The following SCTR variants were observed in gnomAD, a reference collection of about 807,000 sequenced individuals.
The protein encoded by SCTR is secretin receptor.
A neutral mutation model predicts 60.8 loss-of-function variants in SCTR; 56 were observed. The observed-to-expected ratio is 0.92, with a 90% CI of 0.74 to 1.15. The LOEUF is 1.15. Ranked by LOEUF, SCTR falls within the 50% of genes most tolerant of loss-of-function variation. SCTR has a pLI of 0.00. For synonymous variants in SCTR, 202 were observed against 217.0 expected, an observed-to-expected ratio of 0.93 and a Z score of 0.61; for missense variants, 562 against 550.4, an observed-to-expected ratio of 1.02 and a Z score of -0.21.
chr2:119,466,479 C>T (rs555666566), intron 4 of SCTR, among the ~76,000 whole-genome samples: 7 of 152,224 alleles, frequency 4.6e-5, no homozygotes, highest in African/African-American at 1.4e-4. Context: ...AGGTCGGGTG[C>T]GTTGGCTCAT....
In SCTR at chr2:119,441,587, C is replaced by T. The variant is rs1267622428; in HGVS notation, c.1153G>A (p.Ala385Thr). ...CCATTGAGGAAGCAGTAGAGGACGG[C>T]CACCACCAGTCCCTGCCAGAAGAAG... ...ALGSFQGLVV[A>T]VLYCFLNGEV... Residue 385 changes from alanine (A) to threonine (T), a missense_variant, in exon 12 of 13, where the codon GCC becomes ACC. Physicochemically the swap from Ala to Thr is moderately conservative, Grantham distance 58. Transcript: ENST00000019103. 1.9e-6 allele frequency: 3 copies of T among 1,613,092 alleles called. No individual in the cohort carries two copies. The highest frequency in any genetic ancestry group is 2.5e-6 in the Non-Finnish European group (3 of 1,179,468).
intron 10 of SCTR, among the ~76,000 whole-genome samples, chr2:119,447,795 C>T (rs1174486195): frequency 6.6e-6 from 1 of 152,206 alleles, no homozygotes; most frequent in Non-Finnish European, 1.5e-5. Flanking sequence ...TGGTCTCGAA[C>T]TCCTGACCTC....
chr2:119,512,603 G>A (rs889802389), intron 1 of SCTR, among the ~76,000 whole-genome samples: 1 of 151,336 alleles, frequency 6.6e-6, no homozygotes, highest in African/African-American at 2.5e-5. Context: ...CACCTTGTTG[G>A]TCAGGCTGGT....
At chr2:119,491,635 C>T (rs1678134696) in intron 2 of SCTR, among the ~76,000 whole-genome samples, 1 of 152,160 alleles carries the variant, frequency 6.6e-6, no homozygotes, top group African/African-American at 2.4e-5. Context: ...CCTCAGCCTC[C>T]TGAGTAGCTG....
intron 1 of SCTR, among the ~76,000 whole-genome samples, chr2:119,519,090 C>T (rs1291917556): frequency 1.3e-5 from 2 of 152,192 alleles, no homozygotes; most frequent in African/African-American, 2.4e-5. Flanking sequence ...GCCTCAGCTT[C>T]CCGAGTAGCT....
chr2:119,503,158 CAAAAAAAAA>C (rs61479294), intron 1 of SCTR, among the ~76,000 whole-genome samples: 6 of 69,584 alleles, frequency 8.6e-5, no homozygotes, highest in African/African-American at 2.7e-4. Context: ...GACTCCATCT[CAAAAAAAAA>C]AAAAAAAAAA....
chr2:119,514,025 C>T (rs951490174), intron 1 of SCTR, among the ~76,000 whole-genome samples: 1 of 152,214 alleles, frequency 6.6e-6, no homozygotes, highest in African/African-American at 2.4e-5. Flanking sequence ...AGTGTCTCTG[C>T]AGGGTGTATC....
At chr2:119,448,847 G>T in intron 9 of SCTR, 67 bp from the exon 10 acceptor site, 1 of 858,796 alleles carries the variant, frequency 1.2e-6, no homozygotes, top group Non-Finnish European at 1.9e-6. Context: ...TCCTGGCCCT[G>T]TCCCCTGGAC....
intron 2 of SCTR, among the ~76,000 whole-genome samples, chr2:119,483,537 CACAGAAGGCACAGA>C (rs775161941): frequency 1.5e-4 from 23 of 152,188 alleles, no homozygotes; most frequent in Non-Finnish European, 3.1e-4. Context: ...AGCGTCTGGG[CACAGAAGGCACAGA>C]ACAGACCCAG....
At chr2:119,499,191 G>T (rs991540615) in intron 1 of SCTR, among the ~76,000 whole-genome samples, 1 of 152,048 alleles carries the variant, frequency 6.6e-6, no homozygotes, top group African/African-American at 2.4e-5. Context: ...TGGTAAATGT[G>T]TATGCACCAA....
intron 12 of SCTR, among the ~76,000 whole-genome samples, chr2:119,441,106 T>C (rs1324167871): frequency 1.3e-5 from 2 of 152,168 alleles, no homozygotes; most frequent in Non-Finnish European, 2.9e-5. Context: ...AGGATTGAGC[T>C]GCAGACAGTT....
intron 7 of SCTR, among the ~76,000 whole-genome samples, chr2:119,455,602 G>A (rs939365067): frequency 2.6e-5 from 4 of 152,212 alleles, no homozygotes; most frequent in Non-Finnish European, 4.4e-5. Context: ...CTTAGGAACG[G>A]AGCATATGAT....
chr2:119,447,122 C>T (rs995651865), intron 10 of SCTR, among the ~76,000 whole-genome samples: 7 of 149,364 alleles, frequency 4.7e-5, no homozygotes, highest in African/African-American at 7.3e-5. Context: ...GATCATGCAC[C>T]TCCATCAGTA....
intron 1 of SCTR, among the ~76,000 whole-genome samples, chr2:119,522,697 T>C (rs1679325272): frequency 6.6e-6 from 1 of 152,018 alleles, no homozygotes; most frequent in Non-Finnish European, 1.5e-5. Context: ...AGTCTCAGAG[T>C]CACTGCAAAT....
chr2:119,480,448 A>G (rs1047438038), intron 2 of SCTR, among the ~76,000 whole-genome samples: 2 of 152,150 alleles, frequency 1.3e-5, no homozygotes, highest in African/African-American at 2.4e-5. Flanking sequence ...CCACAATTCT[A>G]TTACCTTCCA....
At chr2:119,488,578 G>C (rs138691642) in intron 2 of SCTR, among the ~76,000 whole-genome samples, 34 of 152,336 alleles carry the variant, frequency 2.2e-4, no homozygotes, top group African/African-American at 7.9e-4. Flanking sequence ...ATGGACGTGG[G>C]TGCAACTTCC....
chr2:119,441,664 C>G, intron 11 of SCTR, 65 bp from the exon 12 acceptor site: 2 of 1,349,770 alleles, frequency 1.5e-6, no homozygotes, highest in Non-Finnish European at 2.1e-6. Flanking sequence ...AACCAGCTGG[C>G]CAGCTGCACC....
chr2:119,463,976 T>C lies in SCTR; in HGVS notation c.636+147A>G, dbSNP rs186668827. 1.8e-4 allele frequency: 145 copies of C among 811,038 alleles called. No homozygotes were observed. The East Asian group carries it at 3.3e-3, about 18-fold the overall frequency. 50.2% of individuals were successfully genotyped at this position (811,038 alleles called of 1,614,324 possible). ...AATCTCCCTGAACCTCCTGGCCCAGTGTCAGCACTGGCTGCTTTATCCTTG... is the reference window on the plus strand; with the variant it reads ...AATCTCCCTGAACCTCCTGGCCCAGCGTCAGCACTGGCTGCTTTATCCTTG... On this transcript the variant is annotated intron_variant, in intron 6 of 12. Transcript: ENST00000019103.
chr2:119,482,206 GA>G (rs983035699), intron 2 of SCTR, among the ~76,000 whole-genome samples: 10 of 152,168 alleles, frequency 6.6e-5, no homozygotes, highest in African/African-American at 2.4e-4. Context: ...AAGGGGTAGG[GA>G]ACGGTAGGGT....
Sources: allele counts gnomAD v4.1 joint callset (sites outside exome capture counted in the v4.1 genomes callset), GRCh38; gene constraint gnomAD v4.1.1; transcripts MANE v1.5; gene names NCBI Gene and HGNC (gene_info 2026-07-23, HGNC 2026-07-21).